Variants in AKR1B15 observed in about 807,000 individuals in gnomAD.
The protein encoded by AKR1B15 is estradiol 17-beta-dehydrogenase AKR1B15.
A neutral mutation model predicts 38.5 loss-of-function variants in AKR1B15; 49 were observed. The observed-to-expected ratio is 1.27, with a 90% CI of 1.01 to 1.62. AKR1B15 has a LOEUF of 1.62. AKR1B15 is among the 40% of genes most tolerant of loss of function. AKR1B15 has a pLI of 0.00. For synonymous variants in AKR1B15, 137 were observed against 135.5 expected (o/e 1.01, Z -0.08); for missense variants, 411 against 381.6 (o/e 1.08, Z -0.64).
chr7:134,555,764 C>T (rs1794172691), intron 1 of AKR1B15, among the ~76,000 whole-genome samples: 1 of 152,108 alleles, frequency 6.6e-6, no homozygotes, highest in African/African-American at 2.4e-5. Flanking sequence ...TTCGGACACA[C>T]CAGAAGCCAA....
At chr7:134,571,175 C>T (rs937551540) in intron 5 of AKR1B15, among the ~76,000 whole-genome samples, 14 of 152,182 alleles carry the variant, frequency 9.2e-5, no homozygotes, top group Non-Finnish European at 1.9e-4. Flanking sequence ...GTGATGATGG[C>T]CTGCCATCCC....
intron 3 of AKR1B15, 74 bp from the exon 4 acceptor site, chr7:134,568,083 GC>G: frequency 6.4e-7 from 1 of 1,567,600 alleles, no homozygotes; most frequent in Non-Finnish European, 8.7e-7. Context: ...TGTGAGGCCA[GC>G]CTGGGCAACA....
chr7:134,568,114 A>G (rs768362403), intron 3 of AKR1B15, 44 bp from the exon 4 acceptor site: 3 of 1,301,452 alleles, frequency 2.3e-6, no homozygotes, highest in Non-Finnish European at 3.1e-6. Flanking sequence ...CTCATCTCTT[A>G]AAAAAAAAAT....
In AKR1B15 at chr7:134,562,350, C is replaced by A. The variant is rs531324995; in HGVS notation, c.-22-2248C>A. On this transcript the variant is annotated intron_variant, in intron 2 of 11. Coordinates refer to ENST00000457545, the MANE Select transcript of AKR1B15 (RefSeq NM_001080538.3). ...GTTGCCTAAGCGTTGCTGCTGGGGG[C>A]TGGGGTGACCAGCTTTAATTCCCTT... is the stretch of plus-strand genomic sequence containing the variant. 1.1e-4 allele frequency among the ~76,000 whole-genome samples: 16 copies of A among 152,258 alleles called. No homozygotes were observed. In the East Asian group the frequency reaches 1.9e-3, roughly 18 times the overall value.
intron 6 of AKR1B15, among the ~76,000 whole-genome samples, chr7:134,574,036 G>A (rs948186567): frequency 3.5e-4 from 53 of 150,650 alleles, no homozygotes; most frequent in African/African-American, 1.3e-3. Context: ...AGAGGCACAC[G>A]TCACCGCATC....
chr7:134,558,322 T>C (rs971503474), intron 2 of AKR1B15, among the ~76,000 whole-genome samples: 1 of 151,474 alleles, frequency 6.6e-6, no homozygotes, highest in South Asian at 2.1e-4. Context: ...TTGGTAGTTA[T>C]ACTTATTAGT....
At chr7:134,577,844 G>T in intron 11 of AKR1B15, 58 bp downstream of exon 11, 1 of 1,575,516 alleles carries the variant, frequency 6.3e-7, no homozygotes, top group Non-Finnish European at 8.7e-7. Flanking sequence ...ACTGGTAGAG[G>T]GTTAGTTGGA....
chr7:134,566,362 C>T (rs1304586903), intron 3 of AKR1B15, among the ~76,000 whole-genome samples: 1 of 152,178 alleles, frequency 6.6e-6, no homozygotes, highest in East Asian at 1.9e-4. Flanking sequence ...CGGGCATCTG[C>T]ACTTTAACAA....
At chr7:134,565,603 C>G in intron 3 of AKR1B15, 1 of 1,604,582 alleles carries the variant, frequency 6.2e-7, no homozygotes, top group Non-Finnish European at 8.5e-7. Flanking sequence ...TGGGTGTTTT[C>G]TCTTTCTACA....
Position 134,577,778 on chromosome 7 carries a change from C to G in AKR1B15, c.984C>G (p.Asp328Glu), listed in dbSNP as rs565703346. Residue 328 changes from aspartate (D) to glutamate (E), a missense_variant, in exon 11 of 12, where the codon GAC (aspartate) becomes GAG (glutamate). Around this residue, in one of 3 missense-constraint regions of AKR1B15, gnomAD observed 133 missense variants for 120.3 expected, o/e 1.11. Transcript: ENST00000457545. ...LSFNRNWRAF[D>E]FKEFSHLEDF... ...TCAACAGAAACTGGAGGGCCTTTGA[C>G]TTCAAGGAGTAAGTGGCATGGAGTT... 2.5e-6 allele frequency: 4 copies of G among 1,613,764 alleles called. No individual in the cohort carries two copies. Among genetic ancestry groups the G allele is most frequent in the Non-Finnish European group, 3.4e-6 (4 of 1,179,920 alleles).
chr7:134,564,570 A>C (rs1386433867), intron 2 of AKR1B15, 28 bp from the exon 3 acceptor site: 3 of 676,880 alleles, frequency 4.4e-6, no homozygotes, highest in Non-Finnish European at 5.4e-6. Context: ...TGTATTTTTA[A>C]CCTCCTTGTC....
At chr7:134,575,764 G>A (rs555457947) in intron 7 of AKR1B15, 57 bp from the exon 8 acceptor site, 86 of 1,602,748 alleles carry the variant, frequency 5.4e-5, no homozygotes, top group Non-Finnish European at 1.4e-5. Flanking sequence ...GAACTCCCTA[G>A]GAACAATGCA....
intron 1 of AKR1B15, among the ~76,000 whole-genome samples, chr7:134,556,160 T>C (rs923143582): frequency 1.3e-5 from 2 of 152,312 alleles, no homozygotes; most frequent in South Asian, 4.1e-4. Flanking sequence ...CTTTAACTGA[T>C]TTAGGTGACC....
Position 134,575,491 on chromosome 7 carries a change from C to G in AKR1B15, c.585C>G (p.Ile195Met). The G allele has an allele frequency of 1.2e-6, 2 of 1,613,726 alleles. No individual in the cohort carries two copies. The highest frequency in any genetic ancestry group is 2.2e-5 in the East Asian group (1 of 44,876). ...LGVSNFNHFQ[I>M]ERLLNKPGLK... ...TCTCAAATTTCAACCACTTCCAGATCGAGAGGCTCTTGAACAAACCTGGAC... is the reference window on the plus strand; with the variant it reads ...TCTCAAATTTCAACCACTTCCAGATGGAGAGGCTCTTGAACAAACCTGGAC... The change falls in exon 7 of 12, where the codon ATC (isoleucine) becomes ATG (methionine). Residue 195 changes from isoleucine to methionine, a missense_variant. Transcript: ENST00000457545.
chr7:134,556,411 T>C (rs931006186), intron 1 of AKR1B15, among the ~76,000 whole-genome samples: 3 of 152,198 alleles, frequency 2.0e-5, no homozygotes, highest in Non-Finnish European at 4.4e-5. Flanking sequence ...ATGGACTCTC[T>C]TTCTTGTCAT....
intron 9 of AKR1B15, 61 bp downstream of exon 9, chr7:134,576,491 T>A: frequency 6.3e-7 from 1 of 1,581,864 alleles, no homozygotes; most frequent in East Asian, 2.3e-5. Flanking sequence ...CATGTTTCAT[T>A]TCTCGTGTTG....
intron 1 of AKR1B15, 95 bp from the exon 2 acceptor site, chr7:134,556,641 C>T (rs1345733635): frequency 6.6e-6 from 1 of 152,154 alleles, no homozygotes; most frequent in Admixed American, 6.5e-5. Flanking sequence ...ACCTGGACCT[C>T]TCCTATGCAT....
At chr7:134,553,976 G>A (rs1030063334) in intron 1 of AKR1B15, among the ~76,000 whole-genome samples, 4 of 152,180 alleles carry the variant, frequency 2.6e-5, no homozygotes, top group Admixed American at 6.5e-5. Context: ...TGGTAACCCT[G>A]ACTCAGGCCC....
At chr7:134,571,746 T>C (rs1794674067) in intron 6 of AKR1B15, 65 bp downstream of exon 6, 2 of 1,311,218 alleles carry the variant, frequency 1.5e-6, no homozygotes, top group Admixed American at 3.9e-5. Context: ...AGATTCCCAT[T>C]GATATGAAAG....
Sources: gnomAD v4.1 joint callset for allele counts (sites outside exome capture counted in the v4.1 genomes callset) on GRCh38, gnomAD v4.1.1 for gene constraint, gnomAD v4.1.1 regional missense constraint, MANE v1.5 for transcripts, NCBI Gene and HGNC (gene_info 2026-07-23, HGNC 2026-07-21) for gene names.